Variants in TGFBRAP1 observed in about 807,000 individuals in gnomAD.
TGFBRAP1 encodes the protein transforming growth factor-beta receptor-associated protein 1.
Under a neutral mutation model 83.2 loss-of-function variants are expected in TGFBRAP1, and 20 were observed. The ratio of observed to expected loss-of-function variants is 0.24; its 90% CI spans 0.17 to 0.35. The LOEUF (loss-of-function observed/expected upper bound fraction) is 0.35. TGFBRAP1 is among the 10% of genes least tolerant of loss of function. The pLI, the probability that TGFBRAP1 is intolerant of heterozygous loss-of-function variation, is 1.00. For missense variants in TGFBRAP1, 950 were observed against 1,099.4 expected, an observed-to-expected ratio of 0.86 and a Z score of 1.92; for synonymous variants, 415 against 459.8, an observed-to-expected ratio of 0.90 and a Z score of 1.25.
At chr2:105,326,575 C>T (rs1040244976) in intron 1 of TGFBRAP1, among the ~76,000 whole-genome samples, 3 of 152,162 alleles carry the variant, frequency 2.0e-5, no homozygotes, top group Non-Finnish European at 2.9e-5. Flanking sequence ...AAAAATTAGC[C>T]GGGCATGGTG....
At chr2:105,300,061 T>C (rs1678232049) in intron 2 of TGFBRAP1, among the ~76,000 whole-genome samples, 1 of 152,214 alleles carries the variant, frequency 6.6e-6, no homozygotes, top group African/African-American at 2.4e-5. Flanking sequence ...GTACCCTTTA[T>C]GTTTCATCCA....
intron 1 of TGFBRAP1, among the ~76,000 whole-genome samples, chr2:105,313,741 G>A (rs1423099977): frequency 3.9e-5 from 6 of 151,992 alleles, no homozygotes; most frequent in Admixed American, 2.0e-4. Flanking sequence ...AAGTTGGGAT[G>A]CAGTATTGGT....
intron 2 of TGFBRAP1, among the ~76,000 whole-genome samples, chr2:105,304,525 G>A (rs1678424831): frequency 6.6e-6 from 1 of 152,248 alleles, no homozygotes; most frequent in Non-Finnish European, 1.5e-5. Flanking sequence ...GCTCACGCCT[G>A]TAATCCCAGC....
intron 4 of TGFBRAP1, among the ~76,000 whole-genome samples, chr2:105,288,784 A>G (rs1473736070): frequency 6.6e-6 from 1 of 152,228 alleles, no homozygotes; most frequent in African/African-American, 2.4e-5. Context: ...TCCTTGTTAA[A>G]AAGGCAATGT....
rs143164931 is a variant in TGFBRAP1, at chr2:105,318,521, T to G, written c.-17-10203A>C. On this transcript the variant is annotated intron_variant, in intron 1 of 11. Coordinates refer to ENST00000393359, the MANE Select transcript of TGFBRAP1 (RefSeq NM_004257.6). ...CTCATTTCCCCAAACCAGCTTACCCTGGAAATAGAGAAAGAATCTGTTTAA... is the reference window on the plus strand; with the variant it reads ...CTCATTTCCCCAAACCAGCTTACCCGGGAAATAGAGAAAGAATCTGTTTAA... 3.1e-3 allele frequency among the ~76,000 whole-genome samples: 467 copies of G among 152,332 alleles called. 7 individuals are homozygous for G. The highest frequency in any genetic ancestry group is 3.4e-3 in the Admixed American group (52 of 15,298).
At chr2:105,252,517 C>A in the TGFBRAP1 span, among the ~76,000 whole-genome samples, 2 of 152,170 alleles carry the variant, frequency 1.3e-5, no homozygotes, top group Non-Finnish European at 2.9e-5. Flanking sequence ...GGGCACCATG[C>A]GGTTTCCCTC....
the TGFBRAP1 span, among the ~76,000 whole-genome samples, chr2:105,255,121 T>C: frequency 6.6e-6 from 1 of 152,170 alleles, no homozygotes; most frequent in Non-Finnish European, 1.5e-5. Flanking sequence ...TGTTCTATTC[T>C]CTGTCCTGAG....
At chr2:105,272,832 G>T in intron 10 of TGFBRAP1, 23 bp downstream of exon 10, 1 of 1,603,970 alleles carries the variant, frequency 6.2e-7, no homozygotes, top group South Asian at 1.1e-5. Flanking sequence ...TCCAAAGGGA[G>T]ACAATACTGA....
At chr2:105,294,762 G>A (rs1294915186) in intron 4 of TGFBRAP1, among the ~76,000 whole-genome samples, 1 of 152,168 alleles carries the variant, frequency 6.6e-6, no homozygotes, top group Non-Finnish European at 1.5e-5. Flanking sequence ...GCTCTACCCT[G>A]GCAAAAAGCA....
At chr2:105,306,626 C>T (rs1049967602) in intron 2 of TGFBRAP1, among the ~76,000 whole-genome samples, 13 of 151,738 alleles carry the variant, frequency 8.6e-5, no homozygotes, top group Non-Finnish European at 1.9e-4. Context: ...GGTGAAACCC[C>T]ATCTCTACCA....
rs370538957 is a variant in TGFBRAP1, at chr2:105,321,027, C to T, written c.-18+8598G>A. Among the ~76,000 whole-genome samples, 164 of 152,290 alleles carry T rather than the reference C, an allele frequency of 1.1e-3. 2 individuals are homozygous for T. In the South Asian group the frequency reaches 0.022, roughly 21 times the overall value. The stretch of plus-strand genomic sequence containing the variant: ...CAGCCTCAGAATGGGCTCTGGGGGA[C>T]GGCACAGATTCCCACACACTGGACT... On this transcript the variant is annotated intron_variant, in intron 1 of 11. Transcript: ENST00000393359.
chr2:105,289,411 A>C (rs11889634), intron 4 of TGFBRAP1, among the ~76,000 whole-genome samples: 2,958 of 152,316 alleles, frequency 0.019, 105 homozygotes, highest in African/African-American at 0.067. Flanking sequence ...TGAGGCATTG[A>C]AAACGGATAC....
intron 7 of TGFBRAP1, among the ~76,000 whole-genome samples, chr2:105,276,189 C>T (rs557065541): frequency 7.2e-5 from 11 of 152,284 alleles, no homozygotes; most frequent in Middle Eastern, 3.4e-3. Context: ...GTGATTCTGT[C>T]CCCTGAGTTC....
At chr2:105,275,334 A>C (rs536528177) in intron 8 of TGFBRAP1, among the ~76,000 whole-genome samples, 1 of 152,356 alleles carries the variant, frequency 6.6e-6, no homozygotes, top group African/African-American at 2.4e-5. Context: ...TGCCCCAGCA[A>C]GGGGATTCTC....
chr2:105,291,606 T>G (rs1179087922), intron 4 of TGFBRAP1, among the ~76,000 whole-genome samples: 3 of 152,194 alleles, frequency 2.0e-5, no homozygotes, highest in East Asian at 3.9e-4. Context: ...AGGAAGAAGA[T>G]TCTTCCATGC....
intron 2 of TGFBRAP1, among the ~76,000 whole-genome samples, chr2:105,306,165 C>T (rs1218601076): frequency 6.7e-6 from 1 of 149,706 alleles, no homozygotes; most frequent in Non-Finnish European, 1.5e-5. Context: ...TGGGTTCAAG[C>T]AATTCTCCTG....
intron 2 of TGFBRAP1, among the ~76,000 whole-genome samples, chr2:105,301,098 C>G (rs563624616): frequency 6.6e-6 from 1 of 152,032 alleles, no homozygotes; most frequent in African/African-American, 2.4e-5. Context: ...GTGGCGGGTA[C>G]TATTCCCCAG....
chr2:105,277,418 A>G (rs1677386033), intron 7 of TGFBRAP1, among the ~76,000 whole-genome samples, 196 bp downstream of exon 7: 1 of 152,252 alleles, frequency 6.6e-6, no homozygotes, highest in South Asian at 2.1e-4. Context: ...AGATGGAAAG[A>G]CAATGAGAAG....
chr2:105,311,954 G>A (rs1348636149), intron 1 of TGFBRAP1, among the ~76,000 whole-genome samples: 1 of 151,802 alleles, frequency 6.6e-6, no homozygotes, highest in Non-Finnish European at 1.5e-5. Context: ...TAAGCAGTGG[G>A]AAAATTCTCT....
Sources: gnomAD v4.1 joint callset for allele counts (sites outside exome capture counted in the v4.1 genomes callset) on GRCh38, gnomAD v4.1.1 for gene constraint, MANE v1.5 for transcripts, NCBI Gene and HGNC (gene_info 2026-07-23, HGNC 2026-07-21) for gene names.